MIR2052HG: variants seen among roughly 807,000 people sequenced by gnomAD.
The protein encoded by MIR2052HG is MIR2052 host gene.
intron 1 of MIR2052HG, among the ~76,000 whole-genome samples, chr8:74,609,478 C>G (rs1342535056): frequency 6.6e-6 from 1 of 151,724 alleles, no homozygotes. Context: ...CAAAACCAGA[C>G]AAAGATATTG....
chr8:74,629,252 C>T (rs889203726), intron 2 of MIR2052HG, among the ~76,000 whole-genome samples: 4 of 152,120 alleles, frequency 2.6e-5, no homozygotes, highest in African/African-American at 9.7e-5. Context: ...TAAATGAGCA[C>T]TTTCATAGCA....
intron 2 of MIR2052HG, among the ~76,000 whole-genome samples, chr8:74,621,052 G>C (rs548932805): frequency 6.6e-6 from 1 of 152,160 alleles, no homozygotes; most frequent in Non-Finnish European, 1.5e-5. Flanking sequence ...TCTTTGCATA[G>C]CAAGGGTGAC....
intron 4 of MIR2052HG, among the ~76,000 whole-genome samples, chr8:74,727,089 TGTC>T (rs1563540812): frequency 1.3e-5 from 2 of 152,352 alleles, no homozygotes; most frequent in Admixed American, 1.3e-4. Flanking sequence ...TGTTGAAAAT[TGTC>T]GTATCAAGTT....
At chr8:74,676,583 T>G (rs1026952956) in intron 2 of MIR2052HG, among the ~76,000 whole-genome samples, 1 of 151,110 alleles carries the variant, frequency 6.6e-6, no homozygotes, top group South Asian at 2.1e-4. Flanking sequence ...AGAAAAAAAA[T>G]GTGGCAAGGT....
At chr8:74,714,753 G>A (rs1477959905) in intron 4 of MIR2052HG, among the ~76,000 whole-genome samples, 1 of 144,460 alleles carries the variant, frequency 6.9e-6, no homozygotes, top group Admixed American at 7.0e-5. Flanking sequence ...CACCCAGGCT[G>A]GAGTGCAGTG....
intron 2 of MIR2052HG, among the ~76,000 whole-genome samples, chr8:74,685,224 C>A (rs1365271779): frequency 6.6e-6 from 1 of 151,982 alleles, no homozygotes; most frequent in African/African-American, 2.4e-5. Flanking sequence ...AAAATAATTT[C>A]TTTCTTCTAA....
At chr8:74,657,633 C>CA (rs1255640833) in intron 2 of MIR2052HG, among the ~76,000 whole-genome samples, 1 of 152,186 alleles carries the variant, frequency 6.6e-6, no homozygotes, top group Non-Finnish European at 1.5e-5. Flanking sequence ...GGAGGCCTCA[C>CA]AATCATTGCG....
At chr8:74,700,906 A>T (rs566724216) in intron 2 of MIR2052HG, among the ~76,000 whole-genome samples, 4 of 152,266 alleles carry the variant, frequency 2.6e-5, no homozygotes, top group Non-Finnish European at 5.9e-5. Context: ...CTAAGTACAG[A>T]TATAATTCTG....
intron 2 of MIR2052HG, among the ~76,000 whole-genome samples, chr8:74,645,155 A>G (rs1248518137): frequency 1.3e-5 from 2 of 152,308 alleles, no homozygotes; most frequent in Non-Finnish European, 2.9e-5. Context: ...TAGATGGATT[A>G]CCACTCAAGA....
intron 2 of MIR2052HG, among the ~76,000 whole-genome samples, chr8:74,691,598 T>C (rs1370441989): frequency 1.3e-5 from 2 of 152,196 alleles, no homozygotes; most frequent in East Asian, 3.9e-4. Context: ...ATGAGCCCAA[T>C]ATGGTAGGTG....
At chr8:74,635,584 G>T (rs1156463423) in intron 2 of MIR2052HG, among the ~76,000 whole-genome samples, 1 of 152,084 alleles carries the variant, frequency 6.6e-6, no homozygotes, top group Non-Finnish European at 1.5e-5. Flanking sequence ...TTCAAACTGG[G>T]GTCATCTTTA....
intron 4 of MIR2052HG, among the ~76,000 whole-genome samples, chr8:74,750,209 G>A (rs935779077): frequency 6.6e-6 from 1 of 152,166 alleles, no homozygotes; most frequent in Non-Finnish European, 1.5e-5. Context: ...TTTATACTGA[G>A]TGGTTTAGTC....
intron 2 of MIR2052HG, among the ~76,000 whole-genome samples, chr8:74,616,398 C>T (rs1416741131): frequency 6.8e-6 from 1 of 147,960 alleles, no homozygotes; most frequent in Non-Finnish European, 1.5e-5. Flanking sequence ...AAATGCTCAT[C>T]GTCACTGGCC....
chr8:74,752,222 C>A (rs1196436637), intron 4 of MIR2052HG, among the ~76,000 whole-genome samples: 2 of 142,544 alleles, frequency 1.4e-5, no homozygotes, highest in East Asian at 4.2e-4. Context: ...GTCGAGGCTA[C>A]AGTGAGCCAT....
At chr8:74,644,558 G>GC (rs1406639969) in intron 2 of MIR2052HG, among the ~76,000 whole-genome samples, 2 of 151,434 alleles carry the variant, frequency 1.3e-5, no homozygotes, top group Non-Finnish European at 2.9e-5. Flanking sequence ...ATTGTAGTGA[G>GC]TTTTTTTTTC....
At chr8:74,670,249 A>G (rs1213177132) in intron 2 of MIR2052HG, among the ~76,000 whole-genome samples, 2 of 152,226 alleles carry the variant, frequency 1.3e-5, no homozygotes, top group African/African-American at 4.8e-5. Context: ...TCACTGCTAT[A>G]TCTCCAGTGC....
At chr8:74,691,621 C>T (rs988624556) in intron 2 of MIR2052HG, among the ~76,000 whole-genome samples, 1 of 152,158 alleles carries the variant, frequency 6.6e-6, no homozygotes, top group Non-Finnish European at 1.5e-5. Context: ...AACCCAATTC[C>T]ATGCTGTGCA....
chr8:74,706,842 G>A (rs552332743), intron 4 of MIR2052HG, among the ~76,000 whole-genome samples: 3 of 152,006 alleles, frequency 2.0e-5, no homozygotes, highest in African/African-American at 7.2e-5. Context: ...CTTCTTGGCG[G>A]GGAAGGGCAT....
At chr8:74,745,259 T>C (rs1474188337) in intron 4 of MIR2052HG, among the ~76,000 whole-genome samples, 1 of 151,964 alleles carries the variant, frequency 6.6e-6, no homozygotes, top group Non-Finnish European at 1.5e-5. Context: ...CTAGACCTCA[T>C]CTCAAAAACA....
Sources: allele counts gnomAD v4.1 joint callset (sites outside exome capture counted in the v4.1 genomes callset), GRCh38; gene constraint gnomAD v4.1.1; transcripts MANE v1.5; gene names NCBI Gene and HGNC (gene_info 2026-07-23, HGNC 2026-07-21).